The following PARP6 variants were observed in gnomAD, a reference collection of about 807,000 sequenced individuals.
The protein encoded by PARP6 is protein mono-ADP-ribosyltransferase PARP6.
In PARP6, 27 loss-of-function variants were observed where a neutral mutation model predicts 92.0. That is an observed-to-expected ratio of 0.29 (90% CI 0.22 to 0.40). The LOEUF (loss-of-function observed/expected upper bound fraction) is 0.40. Ranked by LOEUF, PARP6 falls within the 10% of genes least tolerant of loss-of-function variation. The pLI is 1.00. For missense variants in PARP6, 501 were observed against 784.5 expected (o/e 0.64, Z 4.32); for synonymous variants, 272 against 281.2 (o/e 0.97, Z 0.33).
intron 8 of PARP6, among the ~76,000 whole-genome samples, chr15:72,262,866 G>GT (rs2086084545): frequency 6.6e-6 from 1 of 152,154 alleles, no homozygotes; most frequent in African/African-American, 2.4e-5. Context: ...TCATCTGAGT[G>GT]TTTAAGGGTA....
intron 5 of PARP6, 116 bp from the exon 6 acceptor site, chr15:72,265,589 A>G (rs2086477057): frequency 1.2e-6 from 1 of 812,312 alleles, no homozygotes; most frequent in Non-Finnish European, 2.1e-6. Flanking sequence ...AGTGGATGAC[A>G]GTTTTGTACC....
rs1401796642 is a variant in PARP6 at position 72,271,246 on chromosome 15, T to C, written c.-418A>G. On this transcript the variant is annotated 5_prime_UTR_variant, in exon 2 of 24. Transcript: ENST00000569795. Reference sequence around the variant, plus strand: ...TTGTTGCTGCAGAAGTCAAGAAAAATTTAGCCTCTTTCCAAGGGCTGTTGC... The same window carrying C: ...TTGTTGCTGCAGAAGTCAAGAAAAACTTAGCCTCTTTCCAAGGGCTGTTGC... The C allele has an allele frequency of 6.6e-6, 1 of 152,116 alleles. No individual in the cohort carries two copies. Among genetic ancestry groups the C allele is most frequent in the Non-Finnish European group, 1.5e-5 (1 of 68,022 alleles). The allele number at this position is 152,116 out of a possible 1,614,324, so 9.4% of individuals were successfully genotyped here.
chr15:72,265,405 C>T lies in PARP6; in HGVS notation c.237+8G>A. The T allele has an allele frequency of 6.2e-7, 1 of 1,611,338 alleles. No homozygotes were observed. On this transcript the variant is annotated splice_region_variant and intron_variant, in intron 6 of 23. Coordinates refer to ENST00000569795, the MANE Select transcript of PARP6 (RefSeq NM_001323532.2). Reference sequence around the variant, plus strand: ...GACATGTTGTTGGCAGGTACTAGCCCCACTTACATCGAGGAAGCTGATGTT... The same window carrying T: ...GACATGTTGTTGGCAGGTACTAGCCTCACTTACATCGAGGAAGCTGATGTT...
At chr15:72,261,956 G>A (rs1198944403) in intron 8 of PARP6, among the ~76,000 whole-genome samples, 1 of 152,142 alleles carries the variant, frequency 6.6e-6, no homozygotes, top group Non-Finnish European at 1.5e-5. Flanking sequence ...TGCCTTTAGA[G>A]TGAGATTTCA....
chr15:72,261,818 G>A (rs1198383402), intron 8 of PARP6, 111 bp from the exon 9 acceptor site: 21 of 1,013,118 alleles, frequency 2.1e-5, no homozygotes, highest in Admixed American at 1.0e-4. Flanking sequence ...AAAGCTAGTT[G>A]TGGTAGGGGA....
chr15:72,252,773 C>T (rs1393922296), intron 16 of PARP6, among the ~76,000 whole-genome samples: 1 of 152,206 alleles, frequency 6.6e-6, no homozygotes, highest in Non-Finnish European at 1.5e-5. Context: ...GTGTGAGCCA[C>T]TGCACCCGGC....
At chr15:72,256,110 T>C (rs1189296834) in intron 14 of PARP6, among the ~76,000 whole-genome samples, 2 of 152,192 alleles carry the variant, frequency 1.3e-5, no homozygotes, top group Non-Finnish European at 2.9e-5. Flanking sequence ...TTCTCATTTG[T>C]ATAATGATCT....
At chr15:72,247,166 A>T (rs541806036) in intron 20 of PARP6, among the ~76,000 whole-genome samples, 7 of 152,050 alleles carry the variant, frequency 4.6e-5, no homozygotes, top group African/African-American at 1.7e-4. Flanking sequence ...TCTGAAGAAT[A>T]TAAGTTTTAA....
At chr15:72,259,696 C>G (rs1244906821) in intron 10 of PARP6, 35 bp from the exon 11 acceptor site, 1 of 1,601,752 alleles carries the variant, frequency 6.2e-7, no homozygotes, top group African/African-American at 1.3e-5. Context: ...CCGTGAACCT[C>G]CTATGAAGCT....
intron 4 of PARP6, 38 bp downstream of exon 4, chr15:72,266,707 A>C: frequency 6.8e-7 from 1 of 1,461,720 alleles, no homozygotes; most frequent in Non-Finnish European, 9.6e-7. Context: ...ACATATCTAG[A>C]CCATCCAACA....
intron 15 of PARP6, chr15:72,254,097 T>C (rs1018223752): frequency 1.0e-5 from 5 of 477,244 alleles, no homozygotes; most frequent in Non-Finnish European, 2.1e-5. Flanking sequence ...TGTAGGCCCC[T>C]GTGTCTAGTT....
At chr15:72,264,397 T>A (rs1264871490) in intron 8 of PARP6, among the ~76,000 whole-genome samples, 158 bp downstream of exon 8, 1 of 152,248 alleles carries the variant, frequency 6.6e-6, no homozygotes, top group Non-Finnish European at 1.5e-5. Context: ...AGCTTAAATC[T>A]GGCTCCCTAA....
chr15:72,255,778 T>TTCTC lies in PARP6; in HGVS notation c.1125+683_1125+686dup, dbSNP rs1283325943. Among the ~76,000 whole-genome samples, 43 of 74,188 alleles carry TTCTC rather than the reference T, an allele frequency of 5.8e-4. 1 individual carries two copies. The highest frequency in any genetic ancestry group is 7.9e-4 in the Non-Finnish European group (25 of 31,472). 48.7% of individuals were successfully genotyped at this position (74,188 alleles called of 152,430 possible). Reference sequence around the variant, plus strand: ...TAAAACAGTACTTTACATATATTACTTCTCTCTTTTTTTTTTTTTTTTTTT... The same window carrying TTCTC: ...TAAAACAGTACTTTACATATATTACTTCTCTCTCTCTTTTTTTTTTTTTTTTTTT... On this transcript the variant is annotated intron_variant, in intron 14 of 23. Coordinates refer to ENST00000569795, the MANE Select transcript of PARP6 (RefSeq NM_001323532.2).
At chr15:72,266,875 G>A in intron 3 of PARP6, 53 bp from the exon 4 acceptor site, 1 of 1,323,166 alleles carries the variant, frequency 7.6e-7, no homozygotes, top group South Asian at 1.2e-5. Flanking sequence ...ATTATCCCAT[G>A]GAAAGGCGTG....
intron 17 of PARP6, 96 bp downstream of exon 17, chr15:72,251,111 T>C (rs1235667773): frequency 1.7e-5 from 17 of 977,634 alleles, no homozygotes; most frequent in Non-Finnish European, 2.3e-5. Context: ...CAGAGCAATG[T>C]AGGCAGATCT....
At chr15:72,249,114 T>C (rs1249480852) in intron 20 of PARP6, 131 bp downstream of exon 20, 1 of 470,830 alleles carries the variant, frequency 2.1e-6, no homozygotes, top group Non-Finnish European at 3.9e-6. Context: ...AGAGAATATG[T>C]ATCCATGATC....
intron 16 of PARP6, among the ~76,000 whole-genome samples, chr15:72,252,963 T>C (rs2084571732): frequency 6.6e-6 from 1 of 151,970 alleles, no homozygotes; most frequent in African/African-American, 2.4e-5. Flanking sequence ...GAGGATCACT[T>C]GAGCCCAAGA....
intron 5 of PARP6, among the ~76,000 whole-genome samples, 180 bp from the exon 6 acceptor site, chr15:72,265,653 G>A (rs1242585748): frequency 1.3e-5 from 2 of 152,182 alleles, no homozygotes; most frequent in Non-Finnish European, 1.5e-5. Context: ...CTACTTCCAG[G>A]CCAAAAGCAT....
chr15:72,241,249 G>T lies in PARP6; in HGVS notation c.*206C>A. The stretch of plus-strand genomic sequence containing the variant: ...AGGGTGAAGTCAAAGGGAAAGTCAG[G>T]GGATGGAGTCAGTCTGGGCCATCCG... On this transcript the variant is annotated 3_prime_UTR_variant, in exon 24 of 24. Transcript: ENST00000569795. The surrounding 1 kb of genome is among the most constrained non-coding windows in gnomAD (Gnocchi z 4.1). The T allele has an allele frequency of 1.5e-6, 1 of 680,852 alleles. No homozygotes were observed. The allele number at this position is 680,852 out of a possible 1,614,324, so 42.2% of individuals were successfully genotyped here. A position where few individuals can be genotyped will look rare whatever the true frequency, so the allele number is the denominator to read the frequency against.
Sources: allele counts gnomAD v4.1 joint callset (sites outside exome capture counted in the v4.1 genomes callset), GRCh38; gene constraint gnomAD v4.1.1; non-coding constraint Gnocchi (gnomAD v3.1); transcripts MANE v1.5; gene names NCBI Gene and HGNC (gene_info 2026-07-23, HGNC 2026-07-21).